GRM7: variants seen among roughly 807,000 people sequenced by gnomAD.
GRM7 encodes metabotropic glutamate receptor 7.
Under a neutral mutation model 84.5 loss-of-function variants are expected in GRM7, and 35 were observed. The observed-to-expected ratio is 0.41, with a 90% CI of 0.32 to 0.55. The LOEUF (loss-of-function observed/expected upper bound fraction) is 0.55. GRM7 is among the 20% of genes least tolerant of loss of function. The probability of loss-of-function intolerance (pLI) is 0.19; values close to 1 mark genes in which losing one functional copy is unlikely to be tolerated. For missense variants in GRM7, 1,003 were observed against 1,194.6 expected (o/e 0.84, Z 2.36); for synonymous variants, 487 against 455.1 (o/e 1.07, Z -0.89).
At chr3:7,211,421 A>G (rs1696423626) in intron 2 of GRM7, among the ~76,000 whole-genome samples, 1 of 152,120 alleles carries the variant, frequency 6.6e-6, no homozygotes, top group South Asian at 2.1e-4. Flanking sequence ...AGACAATGAT[A>G]AACATCGGAT....
At chr3:7,704,208 T>G (rs1406402457) in intron 9 of GRM7, among the ~76,000 whole-genome samples, 1 of 152,216 alleles carries the variant, frequency 6.6e-6, no homozygotes, top group African/African-American at 2.4e-5. Flanking sequence ...TTCAAAAGTT[T>G]TAAAGCGGTT....
intron 8 of GRM7, among the ~76,000 whole-genome samples, chr3:7,648,541 C>G (rs1698767762): frequency 2.0e-5 from 3 of 151,684 alleles, no homozygotes; most frequent in Non-Finnish European, 4.4e-5. Context: ...CCTAGCTACT[C>G]AGGAGGCTGA....
At chr3:7,471,583 A>G (rs903720393) in intron 7 of GRM7, among the ~76,000 whole-genome samples, 1 of 151,950 alleles carries the variant, frequency 6.6e-6, no homozygotes, top group Non-Finnish European at 1.5e-5. Context: ...CATTTGTTTC[A>G]TTGATTCTCC....
intron 1 of GRM7, among the ~76,000 whole-genome samples, chr3:7,022,367 G>GCACACACACACACA (rs71307753): frequency 0.051 from 7,390 of 145,584 alleles, 460 homozygotes; most frequent in African/African-American, 0.14. Flanking sequence ...ACACACACAT[G>GCACACACACACACA]CACACACACA....
At chr3:7,591,745 T>C (rs1695789777) in intron 8 of GRM7, among the ~76,000 whole-genome samples, 3 of 152,150 alleles carry the variant, frequency 2.0e-5, no homozygotes, top group Non-Finnish European at 4.4e-5. Flanking sequence ...TCCAAACACT[T>C]CATATAGATT....
At chr3:6,873,166 G>T (rs1227160918) in intron 1 of GRM7, among the ~76,000 whole-genome samples, 1 of 152,112 alleles carries the variant, frequency 6.6e-6, no homozygotes, top group African/African-American at 2.4e-5. Context: ...CCACCTCCCA[G>T]GTTCAAGCGA....
At chr3:6,987,718 G>GA (rs1181963448) in intron 1 of GRM7, among the ~76,000 whole-genome samples, 1 of 152,184 alleles carries the variant, frequency 6.6e-6, no homozygotes, top group East Asian at 1.9e-4. Flanking sequence ...AAAGTTGTAT[G>GA]ACCTGCTTAC....
At chr3:7,185,409 A>T (rs986298970) in intron 2 of GRM7, among the ~76,000 whole-genome samples, 14 of 152,168 alleles carry the variant, frequency 9.2e-5, no homozygotes, top group African/African-American at 3.4e-4. Flanking sequence ...CAAACCTCAA[A>T]GAAGAGCTCA....
chr3:7,000,005 G>A (rs946021699), intron 1 of GRM7, among the ~76,000 whole-genome samples: 7 of 152,060 alleles, frequency 4.6e-5, no homozygotes, highest in African/African-American at 1.7e-4. Flanking sequence ...AACATAATAT[G>A]TACCTTCAAT....
chr3:7,229,477 C>T (rs529527053), intron 2 of GRM7, among the ~76,000 whole-genome samples: 8 of 151,542 alleles, frequency 5.3e-5, no homozygotes, highest in Admixed American at 3.3e-4. Flanking sequence ...AGAACCCAAG[C>T]GCTTTATGAG....
At chr3:7,312,668 C>G (rs779047099) in intron 4 of GRM7, among the ~76,000 whole-genome samples, 2 of 152,092 alleles carry the variant, frequency 1.3e-5, no homozygotes, top group Admixed American at 1.3e-4. Context: ...ACCCAACCTT[C>G]CCTGCAGTTA....
intron 1 of GRM7, among the ~76,000 whole-genome samples, chr3:7,004,716 T>C (rs1427753095): frequency 1.3e-5 from 2 of 152,206 alleles, no homozygotes; most frequent in Non-Finnish European, 2.9e-5. Flanking sequence ...TTTCAATTTA[T>C]TGTGGAAATG....
chr3:7,066,969 G>A (rs1359215253), intron 1 of GRM7, among the ~76,000 whole-genome samples: 1 of 151,788 alleles, frequency 6.6e-6, no homozygotes, highest in East Asian at 1.9e-4. Flanking sequence ...ACAGAATCTA[G>A]CATCACTTTA....
intron 1 of GRM7, among the ~76,000 whole-genome samples, chr3:6,864,071 C>G (rs1224833237): frequency 6.6e-6 from 1 of 152,130 alleles, no homozygotes; most frequent in African/African-American, 2.4e-5. Flanking sequence ...GAGAAAGTAA[C>G]CCAATGTTAG....
intron 2 of GRM7, among the ~76,000 whole-genome samples, chr3:7,150,725 C>G (rs1694259384): frequency 6.6e-6 from 1 of 152,162 alleles, no homozygotes; most frequent in African/African-American, 2.4e-5. Context: ...AATCCACTCT[C>G]TATGTGCTTT....
chr3:7,251,979 G>T (rs1446845406), intron 2 of GRM7, among the ~76,000 whole-genome samples: 3 of 152,074 alleles, frequency 2.0e-5, no homozygotes, highest in Non-Finnish European at 2.9e-5. Flanking sequence ...CAATTATTAG[G>T]AGTAATATTT....
intron 1 of GRM7, among the ~76,000 whole-genome samples, chr3:6,900,249 T>C (rs1360560727): frequency 6.6e-6 from 1 of 152,142 alleles, no homozygotes; most frequent in African/African-American, 2.4e-5. Flanking sequence ...AACAAGGGGC[T>C]GACATGTGAA....
At chr3:7,081,174 C>T (rs1444315818) in intron 1 of GRM7, among the ~76,000 whole-genome samples, 1 of 151,994 alleles carries the variant, frequency 6.6e-6, no homozygotes, top group African/African-American at 2.4e-5. Flanking sequence ...CACGTTATTG[C>T]ATTTTTCAGA....
At chr3:7,690,895 C>A in intron 9 of GRM7, 1 of 250,350 alleles carries the variant, frequency 4.0e-6, no homozygotes. Context: ...ATTTAAAAAA[C>A]ACTGTGTATC....
Sources: gnomAD v4.1 joint callset for allele counts (sites outside exome capture counted in the v4.1 genomes callset) on GRCh38, gnomAD v4.1.1 for gene constraint, MANE v1.5 for transcripts, NCBI Gene and HGNC (gene_info 2026-07-23, HGNC 2026-07-21) for gene names.